RASA2: variants seen among roughly 807,000 people sequenced by gnomAD.
The protein encoded by RASA2 is RAS p21 protein activator 2.
In RASA2, 155 loss-of-function variants were observed where a neutral mutation model predicts 118.2. The ratio of observed to expected loss-of-function variants is 1.31; its 90% CI spans 1.15 to 1.50. The LOEUF is 1.50. Among genes scored for constraint, RASA2 ranks in the 40% most tolerant of loss-of-function variants. The pLI, the probability that RASA2 is intolerant of heterozygous loss-of-function variation, is 0.00. For synonymous variants in RASA2, 353 were observed against 349.1 expected (o/e 1.01, Z -0.12); for missense variants, 1,016 against 1,009.6 (o/e 1.01, Z -0.09).
At chr3:141,573,055 T>C in intron 12 of RASA2, 92 bp from the exon 13 acceptor site, 1 of 1,133,576 alleles carries the variant, frequency 8.8e-7, no homozygotes, top group South Asian at 1.7e-5. Context: ...TTTAAATTTC[T>C]ATAATTAACT....
At chr3:141,549,259 T>C (rs182759880) in intron 5 of RASA2, among the ~76,000 whole-genome samples, 3 of 152,324 alleles carry the variant, frequency 2.0e-5, no homozygotes, top group East Asian at 3.9e-4. Flanking sequence ...CCTTCAGTTA[T>C]GCCTTCTTTT....
intron 19 of RASA2, among the ~76,000 whole-genome samples, chr3:141,599,140 A>G (rs1234114518): frequency 2.6e-5 from 4 of 151,846 alleles, no homozygotes; most frequent in Non-Finnish European, 4.4e-5. Context: ...ACACCTCTAC[A>G]CTGAAACTAC....
Position 141,512,226 on chromosome 3 carries a change from T to C in RASA2, c.197T>C (p.Ile66Thr). The change falls in exon 2 of 24, where the codon ATA becomes ACA. Residue 66 changes from isoleucine (I) to threonine (T), a missense_variant. Transcript: ENST00000286364. ...PHKMRDCFCTINLDQEEVYRT... is the reference protein window; with the variant it reads ...PHKMRDCFCTTNLDQEEVYRT... ...AAAATGAGAGATTGTTTCTGTACCA[T>C]AAATTTGGACCAGGAAGAAGTTTAT... 6.3e-7 allele frequency: 1 copy of C among 1,598,454 alleles called. No homozygotes were observed. Among genetic ancestry groups the C allele is most frequent in the Non-Finnish European group, 8.5e-7 (1 of 1,176,236 alleles).
At chr3:141,610,856 T>G (rs1384527933) in intron 23 of RASA2, among the ~76,000 whole-genome samples, 2 of 152,092 alleles carry the variant, frequency 1.3e-5, no homozygotes, top group African/African-American at 2.4e-5. Flanking sequence ...CTCTTCGTTT[T>G]GTTTTTGTTT....
At chr3:141,609,282 G>A in intron 21 of RASA2, 138 bp from the exon 22 acceptor site, 2 of 505,234 alleles carry the variant, frequency 4.0e-6, no homozygotes, top group Admixed American at 3.9e-5. Context: ...TATTTTAACT[G>A]TCAAATGAAA....
chr3:141,548,611 C>A (rs906679729), intron 5 of RASA2, among the ~76,000 whole-genome samples: 2 of 152,066 alleles, frequency 1.3e-5, no homozygotes, highest in Non-Finnish European at 2.9e-5. Context: ...TTTAGTATTG[C>A]TAAAGGCATG....
At chr3:141,538,100 A>AACACACACAC (rs60054807) in intron 4 of RASA2, among the ~76,000 whole-genome samples, 59 of 136,660 alleles carry the variant, frequency 4.3e-4, no homozygotes, top group Admixed American at 1.3e-3. Flanking sequence ...CAAAAAACAA[A>AACACACACAC]ACACACACAC....
At chr3:141,491,574 A>G (rs772217220) in intron 1 of RASA2, among the ~76,000 whole-genome samples, 1 of 152,192 alleles carries the variant, frequency 6.6e-6, no homozygotes, top group Non-Finnish European at 1.5e-5. Flanking sequence ...ACTAGATATG[A>G]AAGTATTTTA....
At chr3:141,547,328 A>C (rs2082499906) in intron 5 of RASA2, among the ~76,000 whole-genome samples, 2 of 152,154 alleles carry the variant, frequency 1.3e-5, no homozygotes, top group Admixed American at 6.5e-5. Context: ...CTTCCAGTCC[A>C]TGAACTTGGA....
chr3:141,538,139 T>C (rs2082355611), intron 4 of RASA2, among the ~76,000 whole-genome samples: 1 of 150,806 alleles, frequency 6.6e-6, no homozygotes, highest in African/African-American at 2.4e-5. Context: ...ACAAACTTGT[T>C]TTGCTGCAAT....
intron 1 of RASA2, among the ~76,000 whole-genome samples, chr3:141,497,703 G>A (rs866643316): frequency 0.016 from 1,989 of 128,248 alleles, 57 homozygotes; most frequent in African/African-American, 0.053. Flanking sequence ...TTCTACAAAC[G>A]AAAAAAAAAA....
intron 8 of RASA2, 81 bp downstream of exon 8, chr3:141,559,043 A>G (rs992639747): frequency 3.3e-5 from 39 of 1,179,002 alleles, no homozygotes; most frequent in Non-Finnish European, 4.3e-5. Flanking sequence ...AAGTAAACCA[A>G]CTTTAATAGA....
intron 1 of RASA2, among the ~76,000 whole-genome samples, chr3:141,487,682 G>T (rs922987287): frequency 6.6e-6 from 1 of 152,094 alleles, no homozygotes; most frequent in Non-Finnish European, 1.5e-5. Flanking sequence ...AGGAGGTGGC[G>T]GGCTGGGAAG....
At chr3:141,594,872 T>G (rs558482531) in intron 19 of RASA2, among the ~76,000 whole-genome samples, 1 of 139,268 alleles carries the variant, frequency 7.2e-6, no homozygotes, top group Non-Finnish European at 1.7e-5. Context: ...TAAGAATGCC[T>G]GTTTTTTTTT....
chr3:141,536,900 G>A (rs1208623852), intron 4 of RASA2, among the ~76,000 whole-genome samples: 2 of 151,358 alleles, frequency 1.3e-5, no homozygotes, highest in Non-Finnish European at 2.9e-5. Flanking sequence ...GGCATGCGCT[G>A]CCACACCCGG....
intron 19 of RASA2, among the ~76,000 whole-genome samples, chr3:141,602,638 T>C (rs1461759975): frequency 6.6e-6 from 1 of 152,226 alleles, no homozygotes; most frequent in African/African-American, 2.4e-5. Context: ...CTCTCTTACT[T>C]ACAGTGTATC....
chr3:141,545,461 CTTTT>C (rs35655653), intron 5 of RASA2, among the ~76,000 whole-genome samples: 2 of 113,174 alleles, frequency 1.8e-5, no homozygotes, highest in South Asian at 2.9e-4. Context: ...GTACTACATA[CTTTT>C]TTTTTTTTTT....
intron 14 of RASA2, among the ~76,000 whole-genome samples, chr3:141,575,137 C>T (rs1462235389): frequency 6.6e-6 from 1 of 152,074 alleles, no homozygotes; most frequent in East Asian, 1.9e-4. Flanking sequence ...ACTTAAATTA[C>T]CAGTCTTAAC....
intron 21 of RASA2, among the ~76,000 whole-genome samples, chr3:141,609,052 A>G (rs978276065): frequency 2.0e-5 from 3 of 152,186 alleles, no homozygotes; most frequent in Non-Finnish European, 4.4e-5. Flanking sequence ...TTTTAAGGCA[A>G]TGTTTAAATA....
Sources: allele counts gnomAD v4.1 joint callset (sites outside exome capture counted in the v4.1 genomes callset), GRCh38; gene constraint gnomAD v4.1.1; transcripts MANE v1.5; gene names NCBI Gene and HGNC (gene_info 2026-07-23, HGNC 2026-07-21).